Variants in SPMIP6 observed in about 807,000 individuals in gnomAD.
The protein encoded by SPMIP6 is ciliated bronchial epithelial protein 1.
chr9:34,382,016 T>C, the SPMIP6 span, among the ~76,000 whole-genome samples: 2 of 152,204 alleles, frequency 1.3e-5, no homozygotes, highest in Non-Finnish European at 2.9e-5. Context: ...GTCTTTCTCC[T>C]TCCGTCTGTG....
the SPMIP6 span, chr9:34,380,590 C>G: frequency 1.4e-6 from 2 of 1,431,332 alleles, no homozygotes; most frequent in Non-Finnish European, 1.8e-6. Flanking sequence ...TGCGGGGTTT[C>G]TTCCTCAAAA....
the SPMIP6 span, among the ~76,000 whole-genome samples, chr9:34,396,696 C>T: frequency 6.6e-6 from 1 of 152,162 alleles, no homozygotes; most frequent in South Asian, 2.1e-4. Context: ...GAAGCCTCCT[C>T]CTCCTGGATC....
At chr9:34,379,530 G>T in the SPMIP6 span, 4 of 907,638 alleles carry the variant, frequency 4.4e-6, no homozygotes, top group South Asian at 4.1e-5. This position sits in a 1 kb window ranked among gnomAD's most constrained non-coding sequence, Gnocchi z 4.2. Context: ...CGTGGTATGT[G>T]CCTGTCAGTG....
At chr9:34,394,937 C>T in the SPMIP6 span, among the ~76,000 whole-genome samples, 3,132 of 151,630 alleles carry the variant, frequency 0.021, 97 homozygotes, top group East Asian at 0.13. Flanking sequence ...GACCACCATA[C>T]TGCCAAAAGC....
chr9:34,391,238 CT>C, the SPMIP6 span, among the ~76,000 whole-genome samples: 1 of 152,080 alleles, frequency 6.6e-6, no homozygotes, highest in Non-Finnish European at 1.5e-5. Context: ...AGAACGTTCT[CT>C]TACTTTTAAT....
chr9:34,388,391 G>A, the SPMIP6 span, among the ~76,000 whole-genome samples: 2 of 151,318 alleles, frequency 1.3e-5, no homozygotes. Context: ...ACATCAGGTG[G>A]TCCACCCACC....
At chr9:34,386,202 G>A in the SPMIP6 span, among the ~76,000 whole-genome samples, 2 of 152,168 alleles carry the variant, frequency 1.3e-5, no homozygotes, top group Non-Finnish European at 2.9e-5. Flanking sequence ...TACCCTGGGA[G>A]CTGGCTGCCT....
At chr9:34,379,584 A>C in the SPMIP6 span, 3 of 1,446,660 alleles carry the variant, frequency 2.1e-6, no homozygotes, top group Non-Finnish European at 2.9e-6. The surrounding 1 kb of genome is among the most constrained non-coding windows in gnomAD (Gnocchi z 4.2). Context: ...ATCCTCCCCC[A>C]GCCCCGCCTC....
the SPMIP6 span, chr9:34,381,458 A>C: frequency 6.2e-7 from 1 of 1,614,014 alleles, no homozygotes; most frequent in Admixed American, 1.7e-5. This position sits in a 1 kb window ranked among gnomAD's most constrained non-coding sequence, Gnocchi z 4.4. Flanking sequence ...GAAGCGGCAC[A>C]CATGCTACCT....
chr9:34,382,789 T>C, the SPMIP6 span: 2 of 1,614,028 alleles, frequency 1.2e-6, no homozygotes, highest in Non-Finnish European at 1.7e-6. Flanking sequence ...GTATACTTGT[T>C]GCAGCAGCTG....
chr9:34,381,396 G>GAGGGCATTCCA, the SPMIP6 span: 6 of 1,614,092 alleles, frequency 3.7e-6, no homozygotes, highest in Admixed American at 1.7e-5. This position sits in a 1 kb window ranked among gnomAD's most constrained non-coding sequence, Gnocchi z 4.4. Flanking sequence ...TCCGGCCTAG[G>GAGGGCATTCCA]AGGGCATTCC....
chr9:34,380,412 C>A, the SPMIP6 span, among the ~76,000 whole-genome samples: 2 of 152,152 alleles, frequency 1.3e-5, no homozygotes, highest in Non-Finnish European at 2.9e-5. Flanking sequence ...GCTCACGTAG[C>A]CCCCAGGAAT....
At chr9:34,387,429 T>G in the SPMIP6 span, among the ~76,000 whole-genome samples, 5 of 152,092 alleles carry the variant, frequency 3.3e-5, no homozygotes, top group Non-Finnish European at 7.4e-5. Context: ...TCCTGCACAG[T>G]CACACTTCTA....
the SPMIP6 span, among the ~76,000 whole-genome samples, chr9:34,389,140 T>C: frequency 5.5e-4 from 84 of 152,208 alleles, no homozygotes; most frequent in African/African-American, 2.0e-3. Context: ...TTTCCCTGTG[T>C]TTCCCAGGGT....
chr9:34,396,532 C>G, the SPMIP6 span, among the ~76,000 whole-genome samples: 1 of 152,164 alleles, frequency 6.6e-6, no homozygotes, highest in Admixed American at 6.5e-5. Flanking sequence ...AAACCTGGAG[C>G]CTTATGTCCA....
At chr9:34,379,287 T>G in the SPMIP6 span, 1 of 731,056 alleles carries the variant, frequency 1.4e-6, no homozygotes, top group South Asian at 1.6e-5. The surrounding 1 kb of genome is among the most constrained non-coding windows in gnomAD (Gnocchi z 4.2). Context: ...TCTATAGCAC[T>G]GACCTTGGGT....
chr9:34,380,239 C>T, the SPMIP6 span, among the ~76,000 whole-genome samples: 1 of 152,218 alleles, frequency 6.6e-6, no homozygotes, highest in Non-Finnish European at 1.5e-5. Context: ...CCAGGCTTGG[C>T]TGCCGCCGCG....
chr9:34,385,651 A>T, the SPMIP6 span: 4 of 1,613,798 alleles, frequency 2.5e-6, no homozygotes, highest in Non-Finnish European at 2.5e-6. Flanking sequence ...CTCTTGAGAA[A>T]GCCAGTACTT....
chr9:34,381,243 C>A, the SPMIP6 span: 1 of 1,573,124 alleles, frequency 6.4e-7, no homozygotes, highest in Non-Finnish European at 8.7e-7. The surrounding 1 kb of genome is among the most constrained non-coding windows in gnomAD (Gnocchi z 4.4). Flanking sequence ...CGGATAGATT[C>A]AGGGTTCCAC....
Sources: allele counts gnomAD v4.1 joint callset (sites outside exome capture counted in the v4.1 genomes callset), GRCh38; gene constraint gnomAD v4.1.1; non-coding constraint Gnocchi (gnomAD v3.1); transcripts MANE v1.5; gene names NCBI Gene and HGNC (gene_info 2026-07-23, HGNC 2026-07-21).